Variants in KIAA1328 observed in about 807,000 individuals in gnomAD.
The protein encoded by KIAA1328 is protein hinderin.
KIAA1328 carries 52 observed loss-of-function variants against 68.1 expected under a neutral mutation model. That is an observed-to-expected ratio of 0.76 (90% CI 0.61 to 0.96). The LOEUF (loss-of-function observed/expected upper bound fraction) is 0.96. KIAA1328 is among the 40% of genes least tolerant of loss of function. KIAA1328 has a pLI of 0.00. For missense variants in KIAA1328, 641 were observed against 677.6 expected, an observed-to-expected ratio of 0.95 and a Z score of 0.60; for synonymous variants, 232 against 239.4, an observed-to-expected ratio of 0.97 and a Z score of 0.28.
In KIAA1328 at chr18:37,179,684, A is replaced by C. The variant is rs142371140; in HGVS notation, c.1523+6603A>C. Among the ~76,000 whole-genome samples the C allele has an allele frequency of 2.8e-3, 421 of 152,258 alleles. 3 individuals are homozygous for C. The highest frequency in any genetic ancestry group is 9.7e-3 in the African/African-American group (402 of 41,566). On this transcript the variant is annotated intron_variant, in intron 9 of 9. Transcript: ENST00000280020. ...CTCTACCAATCCCAGTCTGGAAGGA[A>C]TCTTCTCTCTGTTGTGAATACATTA...
At chr18:36,872,910 T>C (rs933290584) in intron 4 of KIAA1328, among the ~76,000 whole-genome samples, 1 of 152,192 alleles carries the variant, frequency 6.6e-6, no homozygotes, top group Non-Finnish European at 1.5e-5. Flanking sequence ...GCCCTATTGT[T>C]TGATTGAAAG....
chr18:36,868,608 A>G (rs1357889100), intron 4 of KIAA1328, among the ~76,000 whole-genome samples: 1 of 152,190 alleles, frequency 6.6e-6, no homozygotes, highest in Non-Finnish European at 1.5e-5. Context: ...TTTAAAGGAA[A>G]AAAGTTTCAA....
intron 9 of KIAA1328, among the ~76,000 whole-genome samples, chr18:37,214,758 A>T (rs2060392766): frequency 6.6e-6 from 1 of 152,078 alleles, no homozygotes; most frequent in Admixed American, 6.6e-5. Context: ...CCATTTTCAC[A>T]ATATTGATTC....
chr18:36,995,714 G>T (rs16968475), intron 6 of KIAA1328, among the ~76,000 whole-genome samples: 22,831 of 152,066 alleles, frequency 0.15, 1,828 homozygotes, highest in African/African-American at 0.18. Context: ...AACCTCTAGC[G>T]GGGCAACTAT....
chr18:36,855,396 A>G (rs1387551429), intron 4 of KIAA1328, among the ~76,000 whole-genome samples: 1 of 152,078 alleles, frequency 6.6e-6, no homozygotes, highest in East Asian at 1.9e-4. Flanking sequence ...TATTTGTTTA[A>G]TGACTGTTTA....
intron 4 of KIAA1328, among the ~76,000 whole-genome samples, chr18:36,858,272 T>C (rs2047445474): frequency 6.6e-6 from 1 of 152,190 alleles, no homozygotes; most frequent in Admixed American, 6.5e-5. Context: ...CTAATATTAG[T>C]TGTCCTGTAG....
intron 9 of KIAA1328, among the ~76,000 whole-genome samples, chr18:37,188,403 T>G (rs2059843277): frequency 6.6e-6 from 1 of 152,172 alleles, no homozygotes; most frequent in Non-Finnish European, 1.5e-5. Context: ...TGATGCATCA[T>G]CTCAGGAGTG....
At chr18:37,060,909 A>G (rs2056120951) in intron 6 of KIAA1328, among the ~76,000 whole-genome samples, 3 of 152,170 alleles carry the variant, frequency 2.0e-5, no homozygotes, top group South Asian at 4.1e-4. Context: ...TGAGGTCAGG[A>G]GATCGAGACC....
chr18:36,868,186 T>C (rs1283964068), intron 4 of KIAA1328, among the ~76,000 whole-genome samples: 1 of 152,190 alleles, frequency 6.6e-6, no homozygotes, highest in East Asian at 1.9e-4. Context: ...TAGTGAATTA[T>C]TTAGCTTGTA....
intron 6 of KIAA1328, among the ~76,000 whole-genome samples, chr18:36,974,949 C>T (rs570536344): frequency 6.6e-6 from 1 of 152,110 alleles, no homozygotes; most frequent in East Asian, 1.9e-4. Flanking sequence ...CTTGGAACAG[C>T]AAGTCTTGAT....
chr18:36,844,150 T>G, intron 3 of KIAA1328, 58 bp from the exon 4 acceptor site: 2 of 1,195,482 alleles, frequency 1.7e-6, no homozygotes, highest in Non-Finnish European at 2.4e-6. Flanking sequence ...CTAGGTTTCT[T>G]GAAAAGACTT....
intron 9 of KIAA1328, among the ~76,000 whole-genome samples, chr18:37,199,892 C>A (rs953826873): frequency 6.6e-6 from 1 of 152,106 alleles, no homozygotes; most frequent in Non-Finnish European, 1.5e-5. Flanking sequence ...ACAGGTATGT[C>A]TTCTTTTGAG....
intron 5 of KIAA1328, among the ~76,000 whole-genome samples, chr18:36,952,501 C>T (rs1335861955): frequency 6.6e-6 from 1 of 151,996 alleles, no homozygotes; most frequent in African/African-American, 2.4e-5. Flanking sequence ...TTTGCAGTTG[C>T]CCTGTGAGGT....
intron 8 of KIAA1328, among the ~76,000 whole-genome samples, chr18:37,165,415 T>G (rs2059366991): frequency 6.6e-6 from 1 of 151,504 alleles, no homozygotes; most frequent in Non-Finnish European, 1.5e-5. Context: ...ATTTATTTAT[T>G]TATTTATTTA....
intron 7 of KIAA1328, among the ~76,000 whole-genome samples, chr18:37,146,525 T>C (rs111262358): frequency 6.6e-6 from 1 of 152,224 alleles, no homozygotes; most frequent in Admixed American, 6.5e-5. Context: ...CTATTTTGCA[T>C]AGTGCTGCAG....
At chr18:36,832,577 ACT>A (rs1267164066) in intron 1 of KIAA1328, 1 of 133,406 alleles carries the variant, frequency 7.5e-6, no homozygotes, top group African/African-American at 2.8e-5. Flanking sequence ...GCAGAGCGAG[ACT>A]CTGTCTCAAA....
chr18:37,046,023 C>G (rs2629949), intron 6 of KIAA1328, among the ~76,000 whole-genome samples: 1 of 151,980 alleles, frequency 6.6e-6, no homozygotes, highest in East Asian at 1.9e-4. Flanking sequence ...AGATTTTTCT[C>G]GAATATATGA....
intron 6 of KIAA1328, among the ~76,000 whole-genome samples, chr18:37,046,611 A>G (rs1372721891): frequency 2.6e-5 from 4 of 152,128 alleles, no homozygotes; most frequent in African/African-American, 9.7e-5. Context: ...TGGCTCTTTC[A>G]TGTTCTCAAC....
Position 36,940,196 on chromosome 18 carries a change from A to G in KIAA1328, c.449-19112A>G, listed in dbSNP as rs374254698. Among the ~76,000 whole-genome samples the G allele has an allele frequency of 5.5e-4, 84 of 152,338 alleles. 1 individual carries two copies. The South Asian group carries it at 0.017, about 31-fold the overall frequency. On this transcript the variant is annotated intron_variant, in intron 5 of 9. Coordinates refer to ENST00000280020, the MANE Select transcript of KIAA1328 (RefSeq NM_020776.3). ...CAGAAATGGAACCTAGAATTTTGTCATAGTGGTTTAGACAGTGCTTGTTAA... is the reference window on the plus strand; with the variant it reads ...CAGAAATGGAACCTAGAATTTTGTCGTAGTGGTTTAGACAGTGCTTGTTAA...
Sources: allele counts gnomAD v4.1 joint callset (sites outside exome capture counted in the v4.1 genomes callset), GRCh38; gene constraint gnomAD v4.1.1; transcripts MANE v1.5; gene names NCBI Gene and HGNC (gene_info 2026-07-23, HGNC 2026-07-21).